The following RGS12 variants were observed in gnomAD, a reference collection of about 807,000 sequenced individuals.
RGS12 encodes the protein regulator of G-protein signaling 12.
Under a neutral mutation model 120.1 loss-of-function variants are expected in RGS12, and 66 were observed. The ratio of observed to expected loss-of-function variants is 0.55; its 90% confidence interval spans 0.45 to 0.67. RGS12 has a LOEUF of 0.67. RGS12 is among the 30% of genes least tolerant of loss of function. The pLI is 0.00. For synonymous variants in RGS12, 827 were observed against 804.7 expected, an observed-to-expected ratio of 1.03 and a Z score of -0.47; for missense variants, 1,859 against 1,957.7, an observed-to-expected ratio of 0.95 and a Z score of 0.95.
chr4:3,326,932 G>A (rs1040663115), intron 2 of RGS12, among the ~76,000 whole-genome samples: 11 of 152,276 alleles, frequency 7.2e-5, no homozygotes, highest in Non-Finnish European at 1.3e-4. Context: ...AAATACCTAC[G>A]TAATTTTTCA....
intron 2 of RGS12, among the ~76,000 whole-genome samples, chr4:3,326,182 A>G (rs1004120629): frequency 6.6e-6 from 1 of 152,212 alleles, no homozygotes; most frequent in Non-Finnish European, 1.5e-5. Context: ...GCAGTCAGGC[A>G]AGAGGAATAA....
intron 4 of RGS12, among the ~76,000 whole-genome samples, chr4:3,410,424 G>T (rs968767712): frequency 2.0e-5 from 3 of 152,184 alleles, no homozygotes; most frequent in Non-Finnish European, 4.4e-5. Context: ...CACAGAACAG[G>T]ATCGGCCCCC....
intron 3 of RGS12, among the ~76,000 whole-genome samples, chr4:3,361,573 G>T (rs906103662): frequency 6.6e-6 from 1 of 152,194 alleles, no homozygotes; most frequent in Non-Finnish European, 1.5e-5. Context: ...CCTGTGAGCC[G>T]GGTGGGATGG....
chr4:3,395,021 AC>A (rs148855781), intron 4 of RGS12, among the ~76,000 whole-genome samples: 18,065 of 151,474 alleles, frequency 0.12, 1,465 homozygotes, highest in African/African-American at 0.21. Flanking sequence ...ATACAAAAAA[AC>A]AAAACAAAAC....
intron 2 of RGS12, among the ~76,000 whole-genome samples, chr4:3,337,646 A>G (rs1447900534): frequency 6.6e-6 from 1 of 152,094 alleles, no homozygotes; most frequent in African/African-American, 2.4e-5. Flanking sequence ...GGATTCCTAG[A>G]GCAGTCAAAT....
intron 3 of RGS12, among the ~76,000 whole-genome samples, chr4:3,352,244 T>C (rs1369004295): frequency 6.6e-6 from 1 of 152,146 alleles, no homozygotes; most frequent in Non-Finnish European, 1.5e-5. Flanking sequence ...TTAAGGTCCT[T>C]TATTAACTCA....
intron 2 of RGS12, among the ~76,000 whole-genome samples, chr4:3,318,733 A>C (rs1363069047): frequency 6.6e-6 from 1 of 152,098 alleles, no homozygotes; most frequent in Non-Finnish European, 1.5e-5. Context: ...TCTGGAAGGG[A>C]CTTTGTCCAG....
intron 2 of RGS12, among the ~76,000 whole-genome samples, chr4:3,332,180 G>A (rs780701075): frequency 2.6e-5 from 4 of 152,208 alleles, no homozygotes; most frequent in Non-Finnish European, 5.9e-5. Context: ...GTGTTCTATG[G>A]GGTTTCCAGG....
rs1578760331 is a variant in RGS12 at position 3,338,082 on chromosome 4, C to T, written c.1882-4855C>T. Among the ~76,000 whole-genome samples the T allele has an allele frequency of 3.3e-5, 5 of 152,294 alleles. 2 individuals carry two copies. The highest frequency in any genetic ancestry group is 3.3e-4 in the Admixed American group (5 of 15,288). On this transcript the variant is annotated intron_variant, in intron 2 of 17. Coordinates refer to ENST00000336727, the MANE Select transcript of RGS12 (RefSeq NM_001394154.1). ...GGATGATTCACTGTTTTGTTTTAGA[C>T]AGAGTTTTGCTCTTGTTGCTCAGGC...
intron 3 of RGS12, among the ~76,000 whole-genome samples, chr4:3,383,318 A>G (rs1187709677): frequency 2.6e-5 from 4 of 151,992 alleles, no homozygotes; most frequent in Admixed American, 6.6e-5. Context: ...ATTAAAAAGC[A>G]TGTTTGGGTG....
intron 17 of RGS12, among the ~76,000 whole-genome samples, chr4:3,437,383 C>T (rs1390374662): frequency 6.6e-6 from 1 of 152,198 alleles, no homozygotes; most frequent in East Asian, 1.9e-4. Flanking sequence ...TAGAGCCGGG[C>T]TTCTGGACAT....
At chr4:3,322,350 G>A (rs1305499964) in intron 2 of RGS12, among the ~76,000 whole-genome samples, 1 of 152,202 alleles carries the variant, frequency 6.6e-6, no homozygotes, top group Non-Finnish European at 1.5e-5. Context: ...ATGTTTGGAA[G>A]TGGACTGCTT....
Position 3,439,870 on chromosome 4 carries a change from G to A in RGS12, c.*186G>A. 1.8e-6 allele frequency: 1 copy of A among 561,822 alleles called. No individual in the cohort carries two copies. Among genetic ancestry groups the A allele is most frequent in the Non-Finnish European group, 3.0e-6 (1 of 333,490 alleles). 34.8% of individuals were successfully genotyped at this position (561,822 alleles called of 1,614,324 possible). A position where few individuals can be genotyped will look rare whatever the true frequency, so the allele number is the denominator to read the frequency against. ...GCCATGCTGGCCATGGGGCTCCCTG[G>A]CCCTGGCCTCCTGCTGCCCAATAAA... On this transcript the variant is annotated 3_prime_UTR_variant, in exon 18 of 18. Transcript: ENST00000336727.
In RGS12 at chr4:3,365,449, G is replaced by T. The variant is rs1172513964; in HGVS notation, c.1999-20967G>T. On this transcript the variant is annotated intron_variant, in intron 3 of 17. Transcript: ENST00000336727. This position sits in a 1 kb window ranked among gnomAD's most constrained non-coding sequence, Gnocchi z 4.0. ...GCAGGAGCTTTTGCGTCTGTCCCCA[G>T]TGAGTTGCCTTGATTCCATCTTGAG... 6.6e-6 allele frequency among the ~76,000 whole-genome samples: 1 copy of T among 152,132 alleles called. No individual in the cohort carries two copies. Among genetic ancestry groups the T allele is most frequent in the African/African-American group, 2.4e-5 (1 of 41,430 alleles).
upstream of RGS12, among the ~76,000 whole-genome samples, chr4:3,290,891 C>T (rs1395130341): frequency 1.3e-5 from 2 of 152,242 alleles, no homozygotes; most frequent in East Asian, 3.8e-4. Flanking sequence ...TTTTCAAAAC[C>T]TTCCAGCATG....
chr4:3,298,424 C>T (rs1723496543), intron 1 of RGS12, among the ~76,000 whole-genome samples: 3 of 152,204 alleles, frequency 2.0e-5, no homozygotes, highest in East Asian at 3.9e-4. Flanking sequence ...AGTCATAGCT[C>T]GCTGCAGCCC....
Position 3,421,912 on chromosome 4 carries a change from A to T in RGS12, c.2839-464A>T, listed in dbSNP as rs187285311. Among the ~76,000 whole-genome samples, 623 of 152,332 alleles carry T rather than the reference A, an allele frequency of 4.1e-3. 22 individuals are homozygous for T. The highest frequency in any genetic ancestry group is 0.038 in the Admixed American group (583 of 15,300). On this transcript the variant is annotated intron_variant, in intron 10 of 17. Coordinates refer to ENST00000336727, the MANE Select transcript of RGS12 (RefSeq NM_001394154.1). ...TAGTTTCCTGAAATAATGCTCAGGG[A>T]AAAGAGACCTCAGACTACCGGAAGG...
At chr4:3,391,660 G>A (rs891291122) in intron 4 of RGS12, among the ~76,000 whole-genome samples, 4 of 152,220 alleles carry the variant, frequency 2.6e-5, no homozygotes, top group African/African-American at 7.2e-5. Context: ...AACCCTAGGC[G>A]TGAGAAGCAG....
At chr4:3,363,465 T>TC (rs1715935892) in intron 3 of RGS12, among the ~76,000 whole-genome samples, 1 of 151,712 alleles carries the variant, frequency 6.6e-6, no homozygotes, top group Non-Finnish European at 1.5e-5. Flanking sequence ...GTTAGTTGAC[T>TC]CCCGGTAAGG....
Sources: gnomAD v4.1 joint callset for allele counts (sites outside exome capture counted in the v4.1 genomes callset) on GRCh38, gnomAD v4.1.1 for gene constraint, Gnocchi (gnomAD v3.1) non-coding constraint, MANE v1.5 for transcripts, NCBI Gene and HGNC (gene_info 2026-07-23, HGNC 2026-07-21) for gene names.